MAST4: variants seen among roughly 807,000 people sequenced by gnomAD.
MAST4 encodes microtubule associated serine/threonine kinase family member 4, also known as microtubule-associated serine/threonine-protein kinase 4.
A neutral mutation model predicts 162.7 loss-of-function variants in MAST4; 89 were observed. That is an observed-to-expected ratio of 0.55 (90% CI 0.46 to 0.65). The LOEUF (loss-of-function observed/expected upper bound fraction) is 0.65, where lower values mean the gene tolerates loss of function less well. Ranked by LOEUF, MAST4 falls within the 30% of genes least tolerant of loss-of-function variation. The probability of loss-of-function intolerance (pLI) is 0.00; values close to 1 mark genes in which losing one functional copy is unlikely to be tolerated. For synonymous variants in MAST4, 1,479 were observed against 1,361.1 expected (o/e 1.09, Z -1.91); for missense variants, 3,153 against 3,374.0 (o/e 0.93, Z 1.62).
chr5:66,825,510 A>C (rs1757207147), intron 3 of MAST4, among the ~76,000 whole-genome samples: 1 of 152,194 alleles, frequency 6.6e-6, no homozygotes, highest in Admixed American at 6.5e-5. Flanking sequence ...CCTTGTACCA[A>C]ACATCACCAT....
chr5:66,700,561 G>C (rs1296220608), intron 1 of MAST4, among the ~76,000 whole-genome samples: 1 of 151,956 alleles, frequency 6.6e-6, no homozygotes, highest in Non-Finnish European at 1.5e-5. Context: ...GTGGGCACCT[G>C]TAATCCCAGC....
intron 4 of MAST4, among the ~76,000 whole-genome samples, chr5:67,053,531 A>T (rs374073991): frequency 6.6e-6 from 1 of 152,182 alleles, no homozygotes. Flanking sequence ...TCCTCTGACT[A>T]CTGTATTGCT....
At chr5:67,088,096 G>C (rs1763451056) in intron 5 of MAST4, among the ~76,000 whole-genome samples, 1 of 152,054 alleles carries the variant, frequency 6.6e-6, no homozygotes, top group African/African-American at 2.4e-5. Flanking sequence ...GTCAGCATGG[G>C]GACCATTCAC....
chr5:67,075,219 G>A (rs1761491001), intron 5 of MAST4, among the ~76,000 whole-genome samples: 1 of 144,444 alleles, frequency 6.9e-6, no homozygotes, highest in Admixed American at 7.0e-5. Context: ...CATCTAAGCT[G>A]GAGTGCAATG....
chr5:66,833,728 T>C (rs1757769277), intron 3 of MAST4, among the ~76,000 whole-genome samples: 1 of 152,266 alleles, frequency 6.6e-6, no homozygotes, highest in Non-Finnish European at 1.5e-5. Flanking sequence ...CATTCTGTTC[T>C]GAACTTGCTA....
At chr5:66,744,830 T>C (rs987240119) in intron 1 of MAST4, among the ~76,000 whole-genome samples, 1 of 152,206 alleles carries the variant, frequency 6.6e-6, no homozygotes, top group Non-Finnish European at 1.5e-5. Flanking sequence ...AACATGAGAT[T>C]TGAGTGGGGA....
At chr5:67,056,547 A>G (rs1348793237) in intron 5 of MAST4, among the ~76,000 whole-genome samples, 1 of 152,122 alleles carries the variant, frequency 6.6e-6, no homozygotes, top group African/African-American at 2.4e-5. Flanking sequence ...TAATATTGAG[A>G]CGACAGAACG....
At chr5:67,036,693 A>G (rs147445588) in intron 4 of MAST4, among the ~76,000 whole-genome samples, 1 of 152,324 alleles carries the variant, frequency 6.6e-6, no homozygotes, top group Non-Finnish European at 1.5e-5. Context: ...ATAGGGAATA[A>G]TGACAAGAAA....
intron 4 of MAST4, among the ~76,000 whole-genome samples, chr5:66,922,494 A>G (rs1377542442): frequency 6.6e-6 from 1 of 152,212 alleles, no homozygotes; most frequent in East Asian, 1.9e-4. Flanking sequence ...GAATCCCCAC[A>G]ATACTTGTGT....
At chr5:67,149,321 C>CT in intron 23 of MAST4, 68 bp from the exon 24 acceptor site, 2 of 1,410,636 alleles carry the variant, frequency 1.4e-6, no homozygotes, top group East Asian at 4.9e-5. Flanking sequence ...CTGTCTCTCT[C>CT]TTCCCGTCTT....
chr5:67,025,222 A>G (rs1029183027), intron 4 of MAST4, among the ~76,000 whole-genome samples: 2 of 152,158 alleles, frequency 1.3e-5, no homozygotes, highest in Non-Finnish European at 2.9e-5. Context: ...GAACACATTA[A>G]AATATTTGTG....
chr5:67,141,442 C>G (rs1770404325), intron 19 of MAST4, among the ~76,000 whole-genome samples: 1 of 152,076 alleles, frequency 6.6e-6, no homozygotes, highest in African/African-American at 2.4e-5. Context: ...TTTAAAATCG[C>G]TCTTTAAAAT....
intron 1 of MAST4, among the ~76,000 whole-genome samples, chr5:66,659,434 A>T (rs1362041265): frequency 6.6e-6 from 1 of 152,168 alleles, no homozygotes; most frequent in African/African-American, 2.4e-5. Flanking sequence ...GAGACAGTGG[A>T]TTTGTAAACA....
At chr5:66,793,167 T>C (rs1038983618) in intron 3 of MAST4, among the ~76,000 whole-genome samples, 2 of 152,216 alleles carry the variant, frequency 1.3e-5, no homozygotes, top group African/African-American at 2.4e-5. Flanking sequence ...CTGAAGTATC[T>C]AGTTTTCCTT....
At chr5:67,157,020 A>G (rs1229729435) in intron 26 of MAST4, among the ~76,000 whole-genome samples, 1 of 152,220 alleles carries the variant, frequency 6.6e-6, no homozygotes, top group East Asian at 1.9e-4. Context: ...TGCCAGCTGC[A>G]TTTTTGTTAT....
chr5:67,066,619 C>G (rs2561449), intron 5 of MAST4, among the ~76,000 whole-genome samples: 42,667 of 151,916 alleles, frequency 0.28, 6,529 homozygotes, highest in African/African-American at 0.41. Context: ...CTGCCTCCCC[C>G]TAATGGACAT....
intron 4 of MAST4, among the ~76,000 whole-genome samples, chr5:66,973,976 G>A (rs1747794803): frequency 6.6e-6 from 1 of 152,034 alleles, no homozygotes; most frequent in Non-Finnish European, 1.5e-5. Context: ...ATTAATCTTT[G>A]AGCACCTCCT....
Position 67,052,677 on chromosome 5 carries a change from T to C in MAST4, c.675-1727T>C, listed in dbSNP as rs372257656. The stretch of plus-strand genomic sequence containing the variant: ...ACAGACATTTCTTATGAATTTTATT[T>C]ATGCATATAAACAATAAATATGTTG... On this transcript the variant is annotated intron_variant, in intron 4 of 28. Transcript: ENST00000403625. 1.8e-4 allele frequency among the ~76,000 whole-genome samples: 28 copies of C among 151,970 alleles called. No homozygotes were observed. The East Asian group carries it at 4.6e-3, about 25-fold the overall frequency.
intron 1 of MAST4, 27 bp downstream of exon 1, chr5:66,597,045 C>T (rs1296480943): frequency 4.3e-6 from 6 of 1,402,874 alleles, no homozygotes; most frequent in Non-Finnish European, 5.5e-6. Context: ...CTTGCCCACT[C>T]TGGGTTCCGG....
Sources: allele counts gnomAD v4.1 joint callset (sites outside exome capture counted in the v4.1 genomes callset), GRCh38; gene constraint gnomAD v4.1.1; transcripts MANE v1.5; gene names NCBI Gene and HGNC (gene_info 2026-07-23, HGNC 2026-07-21).